The following MBD5 variants were observed in gnomAD, a reference collection of about 807,000 sequenced individuals.
The protein encoded by MBD5 is methyl-CpG-binding domain protein 5.
A neutral mutation model predicts 117.3 loss-of-function variants in MBD5; 13 were observed. That is an observed-to-expected ratio of 0.11 (90% CI 0.07 to 0.18). The LOEUF is 0.18. Ranked by LOEUF, MBD5 falls within the 10% of genes least tolerant of loss-of-function variation. MBD5 has a pLI of 1.00. For missense variants in MBD5, 1,879 were observed against 2,093.8 expected (o/e 0.90, Z 2.00); for synonymous variants, 727 against 766.4 (o/e 0.95, Z 0.85).
At chr2:148,313,659 T>C (rs1702089388) in intron 3 of MBD5, among the ~76,000 whole-genome samples, 1 of 152,134 alleles carries the variant, frequency 6.6e-6, no homozygotes, top group African/African-American at 2.4e-5. Flanking sequence ...CGGTTCTGTC[T>C]CATTGGCATT....
intron 4 of MBD5, among the ~76,000 whole-genome samples, chr2:148,420,229 G>GTCCAAAATTA (rs1265204906): frequency 6.6e-6 from 1 of 151,936 alleles, no homozygotes; most frequent in Non-Finnish European, 1.5e-5. Context: ...CTTGTCATAT[G>GTCCAAAATTA]TCCAAAATTA....
At chr2:148,197,300 GC>G (rs1286812542) in intron 2 of MBD5, among the ~76,000 whole-genome samples, 1 of 152,126 alleles carries the variant, frequency 6.6e-6, no homozygotes, top group Non-Finnish European at 1.5e-5. Context: ...TCAGTTCCCA[GC>G]CTTAAAGGTG....
intron 3 of MBD5, among the ~76,000 whole-genome samples, chr2:148,337,524 G>A (rs1438200513): frequency 6.6e-6 from 1 of 152,118 alleles, no homozygotes; most frequent in Non-Finnish European, 1.5e-5. Context: ...GTGTAGCATG[G>A]CAATGCATTG....
chr2:148,413,245 G>C (rs542484925), intron 4 of MBD5, among the ~76,000 whole-genome samples: 1 of 152,160 alleles, frequency 6.6e-6, no homozygotes, highest in African/African-American at 2.4e-5. Flanking sequence ...TTTTAGTTCT[G>C]TTCGTATGAT....
chr2:148,082,857 G>T (rs910285989), intron 1 of MBD5, among the ~76,000 whole-genome samples: 1 of 152,170 alleles, frequency 6.6e-6, no homozygotes, highest in African/African-American at 2.4e-5. Flanking sequence ...AACAAAATAC[G>T]TAGGTTATCC....
intron 3 of MBD5, among the ~76,000 whole-genome samples, chr2:148,309,977 G>T (rs190295188): frequency 5.5e-4 from 83 of 152,278 alleles, no homozygotes; most frequent in Non-Finnish European, 9.1e-4. Flanking sequence ...AACCAGCCTT[G>T]CATCCCAGGG....
intron 1 of MBD5, among the ~76,000 whole-genome samples, chr2:148,109,266 C>T (rs902897193): frequency 2.0e-5 from 3 of 152,036 alleles, no homozygotes; most frequent in African/African-American, 7.2e-5. Context: ...GCCTGGGCAA[C>T]AGAGTGAGAC....
chr2:148,113,040 A>G (rs1262236488), intron 1 of MBD5, among the ~76,000 whole-genome samples: 1 of 152,226 alleles, frequency 6.6e-6, no homozygotes, highest in Non-Finnish European at 1.5e-5. Context: ...TAGACCAGTT[A>G]CACAGATAGC....
At chr2:148,168,700 G>T (rs1188570855) in intron 1 of MBD5, among the ~76,000 whole-genome samples, 1 of 151,904 alleles carries the variant, frequency 6.6e-6, no homozygotes, top group African/African-American at 2.4e-5. Flanking sequence ...CCATGATTGC[G>T]CTATTACACT....
intron 4 of MBD5, among the ~76,000 whole-genome samples, chr2:148,418,274 T>C (rs1705487311): frequency 6.6e-6 from 1 of 152,262 alleles, no homozygotes; most frequent in African/African-American, 2.4e-5. Context: ...TTTCTTTTGC[T>C]GTGCAGAAGT....
intron 4 of MBD5, among the ~76,000 whole-genome samples, chr2:148,376,926 TAGAG>T (rs1217875977): frequency 6.9e-6 from 1 of 144,530 alleles, no homozygotes; most frequent in African/African-American, 2.5e-5. Context: ...AGTATATAAA[TAGAG>T]AGTTAGCAAG....
chr2:148,254,588 G>A (rs1218482127), intron 3 of MBD5, among the ~76,000 whole-genome samples: 1 of 152,112 alleles, frequency 6.6e-6, no homozygotes, highest in Non-Finnish European at 1.5e-5. Flanking sequence ...AACAGTGGCA[G>A]GTACATAAGG....
intron 2 of MBD5, among the ~76,000 whole-genome samples, chr2:148,189,186 G>A (rs1024184829): frequency 6.8e-6 from 1 of 147,316 alleles, no homozygotes; most frequent in Non-Finnish European, 1.5e-5. Flanking sequence ...GGGGAGGGGC[G>A]CCCGCCATTG....
At chr2:148,509,486 T>C (rs1682146439) in intron 12 of MBD5, among the ~76,000 whole-genome samples, 1 of 152,230 alleles carries the variant, frequency 6.6e-6, no homozygotes, top group East Asian at 1.9e-4. Flanking sequence ...ATTTTGGCTT[T>C]TGGCCCTGGG....
At chr2:148,058,333 A>G (rs1296785613) in intron 1 of MBD5, among the ~76,000 whole-genome samples, 1 of 152,078 alleles carries the variant, frequency 6.6e-6, no homozygotes, top group Admixed American at 6.5e-5. Flanking sequence ...TAATTGTTCA[A>G]TATTCCTTAG....
At chr2:148,373,076 C>T (rs748247470) in intron 4 of MBD5, among the ~76,000 whole-genome samples, 11 of 152,120 alleles carry the variant, frequency 7.2e-5, no homozygotes, top group African/African-American at 2.6e-4. Context: ...TAAAGAATTA[C>T]GTTTTGATAT....
intron 1 of MBD5, among the ~76,000 whole-genome samples, chr2:148,167,758 A>C (rs1453295794): frequency 1.3e-5 from 2 of 152,124 alleles, no homozygotes; most frequent in Non-Finnish European, 2.9e-5. Context: ...CCCATTTTCT[A>C]CTTTATCATC....
At chr2:148,417,898 G>A (rs1705473888) in intron 4 of MBD5, among the ~76,000 whole-genome samples, 1 of 151,854 alleles carries the variant, frequency 6.6e-6, no homozygotes. Context: ...GGAATACAGT[G>A]GAGTGATCTT....
chr2:148,198,863 G>A (rs746967100), intron 2 of MBD5, among the ~76,000 whole-genome samples: 37 of 151,958 alleles, frequency 2.4e-4, no homozygotes, highest in Non-Finnish European at 1.3e-4. Context: ...CTTCTAATCT[G>A]GTCTAAGAGG....
Sources: allele counts gnomAD v4.1 joint callset (sites outside exome capture counted in the v4.1 genomes callset), GRCh38; gene constraint gnomAD v4.1.1; transcripts MANE v1.5; gene names NCBI Gene and HGNC (gene_info 2026-07-23, HGNC 2026-07-21).